The following NEB variants were observed in gnomAD, a reference collection of about 807,000 sequenced individuals.
NEB encodes the protein nemaline myopathy type 2.
Under a neutral mutation model 952.2 loss-of-function variants are expected in NEB, and 512 were observed. The observed-to-expected ratio is 0.54, with a 90% confidence interval of 0.50 to 0.58. The LOEUF is 0.58. NEB is among the 20% of genes least tolerant of loss of function. The pLI, the probability that NEB is intolerant of heterozygous loss-of-function variation, is 0.00. For missense variants in NEB, 8,428 were observed against 9,231.1 expected (o/e 0.91, Z 3.56); for synonymous variants, 2,900 against 3,149.8 (o/e 0.92, Z 2.66).
intron 13 of NEB, among the ~76,000 whole-genome samples, chr2:151,705,280 C>T (rs1026505742): frequency 6.6e-6 from 1 of 152,124 alleles, no homozygotes; most frequent in Non-Finnish European, 1.5e-5. Context: ...TTTAAATATG[C>T]AGCTGATAAA....
rs760986524 is a variant in NEB at position 151,724,369 on chromosome 2, A to G, written c.508-5T>C. On this transcript the variant is annotated splice_region_variant and splice_polypyrimidine_tract_variant and intron_variant, in intron 7 of 181. Coordinates refer to ENST00000397345, the MANE Select transcript of NEB (RefSeq NM_001164508.2). The stretch of plus-strand genomic sequence containing the variant: ...CCAGTTCTGCTTGTATAAAACCTAG[A>G]CAGAAGGAGCAGAGGATCTGTGGCT... 3 of 1,601,784 alleles carry G rather than the reference A, an allele frequency of 1.9e-6. No individual in the cohort carries two copies. The highest frequency in any genetic ancestry group is 3.4e-5 in the Admixed American group (2 of 58,978).
chr2:151,723,761 T>G (rs993385678), intron 8 of NEB, among the ~76,000 whole-genome samples: 6 of 148,726 alleles, frequency 4.0e-5, no homozygotes, highest in Non-Finnish European at 6.0e-5. Context: ...TTTTTTTTTT[T>G]TTTTTTTTTT....
At chr2:151,519,146 G>T (rs2153388219) in intron 154 of NEB, 77 bp from the exon 155 acceptor site, 3 of 928,530 alleles carry the variant, frequency 3.2e-6, no homozygotes, top group East Asian at 2.5e-5. Context: ...AAGTGAGATA[G>T]CCCATCGTCA....
rs772537484 is a variant in NEB, at chr2:151,553,991, A to T, written c.19463T>A (p.Met6488Lys). 3.1e-6 allele frequency: 5 copies of T among 1,613,856 alleles called. No homozygotes were observed. Among genetic ancestry groups the T allele is most frequent in the East Asian group, 2.2e-5 (1 of 44,862 alleles). Residue 6488 changes from methionine to lysine, a missense_variant, in exon 126 of 182, where the codon ATG (methionine) becomes AAG (lysine). Physicochemically the swap from Met to Lys is moderately conservative, Grantham distance 95 (BLOSUM62 -1). This residue lies in a region of NEB where 3,374 missense variants were observed against 3,651.5 expected (regional missense o/e 0.92). Coordinates refer to ENST00000397345, the MANE Select transcript of NEB (RefSeq NM_001164508.2). ...LYRSVYEKNK[M>K]KIHIVPDMVE... ...CATGTCGGGCACGATGTGGATTTTCATCTTGTTCTTTTCATAAACTGATCT... is the reference window on the plus strand; with the variant it reads ...CATGTCGGGCACGATGTGGATTTTCTTCTTGTTCTTTTCATAAACTGATCT...
At position 151,493,407 on chromosome 2, in the gene NEB, T is replaced by C; in HGVS notation, c.24711A>G (p.Thr8237=). The change falls in exon 176 of 182, where the codon ACA becomes ACG. Residue 8237 remains threonine (T), a synonymous_variant. Transcript: ENST00000397345. ...CTCTCTCCATCTCTGGAGTAACAGG[T>C]GTCGGAGTTGCTTTTCTCATGTTCT... The part of the protein sequence containing the change: ...YKENMRKATP[T]PVTPEMERAK... The C allele has an allele frequency of 6.2e-7, 1 of 1,609,046 alleles. No homozygotes were observed. The highest frequency in any genetic ancestry group is 1.1e-5 in the South Asian group (1 of 89,420).
intron 176 of NEB, 100 bp downstream of exon 176, chr2:151,493,253 T>G: frequency 4.3e-6 from 4 of 925,338 alleles, no homozygotes; most frequent in Non-Finnish European, 6.6e-6. Flanking sequence ...TTTTAAAATT[T>G]TAGTGTGTTT....
At chr2:151,513,714 A>G in intron 159 of NEB, 21 bp from the exon 160 acceptor site, 2 of 1,513,730 alleles carry the variant, frequency 1.3e-6, no homozygotes, top group Non-Finnish European at 1.8e-6. Context: ...ATTAAAAGAA[A>G]AAAAAAAGGT....
At position 151,627,801 on chromosome 2, in the gene NEB, C is replaced by T. The variant is rs75639119; in HGVS notation, c.9865G>A (p.Gly3289Ser). 3.7e-3 allele frequency: 5,936 copies of T among 1,613,768 alleles called. 36 individuals carry two copies. Among genetic ancestry groups the T allele is most frequent in the Non-Finnish European group, 3.5e-3 (4,108 of 1,179,824 alleles). Residue 3289 changes from glycine (G) to serine (S), a missense_variant, in exon 69 of 182, where the codon GGC (glycine) becomes AGC (serine). By Grantham distance (56) the Gly-to-Ser change is moderately conservative. Coordinates refer to ENST00000397345, the MANE Select transcript of NEB (RefSeq NM_001164508.2). ...ATGTTCCGGGCTCCAATGTGGTGGC[C>T]GAGCTGCTTGCGGTAACCATCTTTG... ...KYKDGYRKQL[G>S]HHIGARNIED... is the part of the protein sequence containing the mutation.
At chr2:151,619,173 G>A (rs1246571451) in intron 73 of NEB, among the ~76,000 whole-genome samples, 1 of 152,042 alleles carries the variant, frequency 6.6e-6, no homozygotes, top group Non-Finnish European at 1.5e-5. Flanking sequence ...TATTTTTAAG[G>A]GCTAAGTTTC....
At chr2:151,555,444 C>G (rs1350661555) in intron 124 of NEB, among the ~76,000 whole-genome samples, 4 of 152,112 alleles carry the variant, frequency 2.6e-5, no homozygotes, top group Non-Finnish European at 5.9e-5. Context: ...TAAAACTGTG[C>G]TTAGGAATAT....
At chr2:151,723,831 G>A (rs116491855) in intron 8 of NEB, among the ~76,000 whole-genome samples, 93 of 148,064 alleles carry the variant, frequency 6.3e-4, no homozygotes, top group African/African-American at 2.2e-3. Context: ...ACAATGTAAG[G>A]AGCCAGGAAG....
intron 10 of NEB, among the ~76,000 whole-genome samples, chr2:151,713,234 T>C (rs1213556647): frequency 6.6e-6 from 1 of 152,178 alleles, no homozygotes; most frequent in African/African-American, 2.4e-5. Flanking sequence ...GGTTACCAAA[T>C]GGAAAGGAAT....
rs1423057282 is a variant in NEB, at chr2:151,729,776, A to G, written c.37-120T>C. On this transcript the variant is annotated intron_variant, in intron 3 of 181. Coordinates refer to ENST00000397345, the MANE Select transcript of NEB (RefSeq NM_001164508.2). ...CGGTTGATTTGGAATGTCTGTGGGA[A>G]AGGGGTAGGTGAGGGAGCCTGTTCA... is the stretch of plus-strand genomic sequence containing the variant. 5.8e-6 allele frequency: 6 copies of G among 1,028,920 alleles called. No homozygotes were observed. In the East Asian group the frequency reaches 1.4e-4, roughly 25 times the overall value. The allele number at this position is 1,028,920 out of a possible 1,614,324, so 63.7% of individuals were successfully genotyped here. A position where few individuals can be genotyped will look rare whatever the true frequency, so the allele number is the denominator to read the frequency against.
rs781754253 is a variant in NEB, at chr2:151,672,365, T to G, written c.4299+4A>C. The G allele has an allele frequency of 1.3e-6, 2 of 1,585,676 alleles. No individual in the cohort carries two copies. Among genetic ancestry groups the G allele is most frequent in the Non-Finnish European group, 1.7e-6 (2 of 1,162,510 alleles). ...TCTCTGGGTCTGTTGTTACACATACTTACATCACTCTGAATTTGATTGACA... is the reference window on the plus strand; with the variant it reads ...TCTCTGGGTCTGTTGTTACACATACGTACATCACTCTGAATTTGATTGACA... On this transcript the variant is annotated splice_donor_region_variant and intron_variant, in intron 37 of 181. Coordinates refer to ENST00000397345, the MANE Select transcript of NEB (RefSeq NM_001164508.2).
At chr2:151,734,113 A>G (rs2099815760) in intron 1 of NEB, among the ~76,000 whole-genome samples, 1 of 152,186 alleles carries the variant, frequency 6.6e-6, no homozygotes, top group South Asian at 2.1e-4. Context: ...CTTCTTTTTC[A>G]CACTAATATA....
Position 151,563,677 on chromosome 2 carries a change from G to C in NEB, c.18622C>G (p.Leu6208Val), listed in dbSNP as rs374727099. ...AATTCACCGATCACTTTTCCAGCCAGGTAGTGACCTTTCTGCTTCTCATAT... is the reference window on the plus strand; with the variant it reads ...AATTCACCGATCACTTTTCCAGCCACGTAGTGACCTTTCTGCTTCTCATAT... ...ETYEKQKGHY[L>V]AGKVIGEFPG... Residue 6208 changes from leucine to valine, a missense_variant, in exon 119 of 182, where the codon CTG (leucine) becomes GTG (valine). Physicochemically the swap from Leu to Val is conservative, Grantham distance 32. Coordinates refer to ENST00000397345, the MANE Select transcript of NEB (RefSeq NM_001164508.2). The C allele has an allele frequency of 3.7e-5, 60 of 1,613,876 alleles. No homozygotes were observed. The East Asian group carries it at 9.6e-4, about 26-fold the overall frequency.
chr2:151,666,226 A>C lies in NEB; in HGVS notation c.4895T>G (p.Val1632Gly). Residue 1632 changes from valine to glycine, a missense_variant, in exon 41 of 182, where the codon GTC (valine) becomes GGC (glycine). Physicochemically the swap from Val to Gly is moderately radical, Grantham distance 109. Coordinates refer to ENST00000397345, the MANE Select transcript of NEB (RefSeq NM_001164508.2). ...KTKYHTPLDM[V>G]SVTAAKKSQE... Reference sequence around the variant, plus strand: ...AGATTTCTTTGCAGCTGTCACACTGACCATATCCAGAGGTGTGTGGTACTT... The same window carrying C: ...AGATTTCTTTGCAGCTGTCACACTGCCCATATCCAGAGGTGTGTGGTACTT... The C allele has an allele frequency of 6.2e-7, 1 of 1,613,972 alleles. No homozygotes were observed. The highest frequency in any genetic ancestry group is 8.5e-7 in the Non-Finnish European group (1 of 1,179,878).
rs999752806 is a variant in NEB at position 151,496,922 on chromosome 2, T to C, written c.24393+19A>G. 5.0e-5 allele frequency: 77 copies of C among 1,542,474 alleles called. No individual in the cohort carries two copies. In the Middle Eastern group the frequency reaches 6.7e-4, roughly 13 times the overall value. ...TTTTAAAATCAGTAAGTAGTTTTTT[T>C]CTTTTCTTGCCCAAGTACCGAGCTA... is the stretch of plus-strand genomic sequence containing the variant. On this transcript the variant is annotated intron_variant, in intron 172 of 181. Coordinates refer to ENST00000397345, the MANE Select transcript of NEB (RefSeq NM_001164508.2).
Position 151,485,823 on chromosome 2 carries a change from A to T in NEB, c.25515T>A (p.Tyr8505Ter), listed in dbSNP as rs749003938. Residue 8505 changes from tyrosine (Y) to a stop codon, truncating the protein, a stop_gained, in exon 182 of 182, where the codon TAT becomes TAA. Coordinates refer to ENST00000397345, the MANE Select transcript of NEB (RefSeq NM_001164508.2). LOFTEE classifies it high-confidence loss of function. ...TCCTGCCAGTCCTCTGCACAGTGCC[A>T]TACATCCAGCCTTCATCAATTGCTT... is the stretch of plus-strand genomic sequence containing the variant. ...NVQAIDEGWM[Y>*]GTVQRTGRTG... The T allele has an allele frequency of 6.2e-7, 1 of 1,614,106 alleles. No homozygotes were observed. Among genetic ancestry groups the T allele is most frequent in the Admixed American group, 1.7e-5 (1 of 60,024 alleles).
Sources: gnomAD v4.1 joint callset for allele counts (sites outside exome capture counted in the v4.1 genomes callset) on GRCh38, gnomAD v4.1.1 for gene constraint, gnomAD v4.1.1 regional missense constraint, MANE v1.5 for transcripts, NCBI Gene and HGNC (gene_info 2026-07-23, HGNC 2026-07-21) for gene names.